The following AKAP19 variants were observed in gnomAD, a reference collection of about 807,000 sequenced individuals.
The protein encoded by AKAP19 is A-kinase anchoring protein 19.
the AKAP19 span, among the ~76,000 whole-genome samples, chr2:190,016,404 G>A: frequency 6.6e-6 from 1 of 152,154 alleles, no homozygotes; most frequent in African/African-American, 2.4e-5. Flanking sequence ...ACCATCTTGT[G>A]AGAACTCACT....
At chr2:190,004,579 TTTTA>T in the AKAP19 span, among the ~76,000 whole-genome samples, 46 of 143,686 alleles carry the variant, frequency 3.2e-4, no homozygotes, top group African/African-American at 1.1e-3. Context: ...TTATAAACCT[TTTTA>T]TTTTTTTTTT....
chr2:190,021,462 G>A, the AKAP19 span, among the ~76,000 whole-genome samples: 2 of 152,080 alleles, frequency 1.3e-5, no homozygotes, highest in Non-Finnish European at 2.9e-5. Flanking sequence ...AATAATTAAC[G>A]GGATTTTCCA....
chr2:189,987,201 G>A, the AKAP19 span, among the ~76,000 whole-genome samples: 214 of 152,278 alleles, frequency 1.4e-3, 1 homozygote, highest in African/African-American at 4.8e-3. Flanking sequence ...GTGATAGTGA[G>A]TAAGTCTCAC....
At chr2:189,983,878 T>C in the AKAP19 span, among the ~76,000 whole-genome samples, 1 of 152,152 alleles carries the variant, frequency 6.6e-6, no homozygotes, top group Non-Finnish European at 1.5e-5. Flanking sequence ...ATTTTAAAGC[T>C]GGGCATCCAG....
At chr2:189,951,196 T>G in the AKAP19 span, among the ~76,000 whole-genome samples, 2 of 12,878 alleles carry the variant, frequency 1.6e-4, no homozygotes, top group Non-Finnish European at 5.2e-4. Flanking sequence ...GAATCCTCCT[T>G]TTTTTTTTTT....
At chr2:189,910,201 C>A in the AKAP19 span, among the ~76,000 whole-genome samples, 1 of 151,912 alleles carries the variant, frequency 6.6e-6, no homozygotes, top group African/African-American at 2.4e-5. Context: ...ACATTAAAAG[C>A]CATATTTGCA....
At chr2:189,998,960 C>G in the AKAP19 span, among the ~76,000 whole-genome samples, 1 of 151,710 alleles carries the variant, frequency 6.6e-6, no homozygotes, top group African/African-American at 2.4e-5. Context: ...TCAGTAGAGA[C>G]AGGGTTTTAC....
chr2:189,998,352 G>A, the AKAP19 span, among the ~76,000 whole-genome samples: 8 of 151,982 alleles, frequency 5.3e-5, no homozygotes, highest in African/African-American at 9.7e-5. Flanking sequence ...TTTCTTCACC[G>A]TCTGATAGAT....
the AKAP19 span, among the ~76,000 whole-genome samples, chr2:190,164,309 C>T: frequency 2.1e-3 from 319 of 152,152 alleles, 7 homozygotes; most frequent in Non-Finnish European, 4.7e-4. Context: ...CTGAGGTGGG[C>T]GGATCACTTG....
chr2:190,153,250 T>C, the AKAP19 span, among the ~76,000 whole-genome samples: 4 of 152,252 alleles, frequency 2.6e-5, no homozygotes, highest in Non-Finnish European at 5.9e-5. Flanking sequence ...TTAATTTCTA[T>C]GTATTAATAA....
At chr2:190,122,257 G>C in the AKAP19 span, among the ~76,000 whole-genome samples, 1 of 152,340 alleles carries the variant, frequency 6.6e-6, no homozygotes, top group East Asian at 1.9e-4. Context: ...TGAACAGGCA[G>C]AAGTCCATTG....
chr2:190,010,785 G>C, the AKAP19 span, among the ~76,000 whole-genome samples: 2 of 152,066 alleles, frequency 1.3e-5, no homozygotes, highest in Non-Finnish European at 2.9e-5. Flanking sequence ...TTTCTGGAGT[G>C]CAAAGTAATG....
the AKAP19 span, among the ~76,000 whole-genome samples, chr2:190,186,421 G>C: frequency 6.6e-6 from 1 of 152,194 alleles, no homozygotes; most frequent in South Asian, 2.1e-4. This position sits in a 1 kb window ranked among gnomAD's most constrained non-coding sequence, Gnocchi z 5.5. Flanking sequence ...ACCACATGGA[G>C]TCATCCTGAG....
At chr2:189,937,974 C>T in the AKAP19 span, among the ~76,000 whole-genome samples, 16 of 152,198 alleles carry the variant, frequency 1.1e-4, no homozygotes, top group Non-Finnish European at 1.8e-4. Context: ...TTTGTTGCAG[C>T]TCTGTTCATA....
the AKAP19 span, among the ~76,000 whole-genome samples, chr2:190,023,978 T>C: frequency 6.6e-6 from 1 of 152,000 alleles, no homozygotes; most frequent in African/African-American, 2.4e-5. Flanking sequence ...TATCAATTTT[T>C]CCTTATAGTA....
the AKAP19 span, among the ~76,000 whole-genome samples, chr2:190,054,327 A>G: frequency 6.6e-6 from 1 of 152,168 alleles, no homozygotes; most frequent in Non-Finnish European, 1.5e-5. Context: ...TACACCTTAT[A>G]CAAAAATTAA....
chr2:190,005,823 G>C, the AKAP19 span, among the ~76,000 whole-genome samples: 1 of 152,146 alleles, frequency 6.6e-6, no homozygotes, highest in Non-Finnish European at 1.5e-5. Flanking sequence ...ATATTTTTCA[G>C]TGTTTGTGTC....
chr2:190,166,351 T>C, the AKAP19 span, among the ~76,000 whole-genome samples: 1 of 118,420 alleles, frequency 8.4e-6, no homozygotes, highest in Non-Finnish European at 1.7e-5. Context: ...TGCTGAGGTC[T>C]GCTACACTTT....
the AKAP19 span, among the ~76,000 whole-genome samples, chr2:189,969,321 C>T: frequency 6.6e-6 from 1 of 152,148 alleles, no homozygotes; most frequent in African/African-American, 2.4e-5. Flanking sequence ...AGCAAGCTCT[C>T]ACCAGACGCT....
Sources: allele counts gnomAD v4.1 joint callset (sites outside exome capture counted in the v4.1 genomes callset), GRCh38; gene constraint gnomAD v4.1.1; non-coding constraint Gnocchi (gnomAD v3.1); transcripts MANE v1.5; gene names NCBI Gene and HGNC (gene_info 2026-07-23, HGNC 2026-07-21).